The following ZBTB20 variants were observed in gnomAD, a reference collection of about 807,000 sequenced individuals.
ZBTB20 encodes the protein zinc finger and BTB domain-containing protein 20.
ZBTB20 carries 9 observed loss-of-function variants against 56.9 expected under a neutral mutation model. That is an observed-to-expected ratio of 0.16 (90% confidence interval 0.10 to 0.28). The LOEUF (loss-of-function observed/expected upper bound fraction) is 0.28, where lower values mean the gene tolerates loss of function less well. Ranked by LOEUF, ZBTB20 falls within the 10% of genes least tolerant of loss-of-function variation. The pLI, the probability that ZBTB20 is intolerant of heterozygous loss-of-function variation, is 1.00. For missense variants in ZBTB20, 655 were observed against 1,003.0 expected, an observed-to-expected ratio of 0.65 and a Z score of 4.69; for synonymous variants, 417 against 420.7, an observed-to-expected ratio of 0.99 and a Z score of 0.11.
At chr3:114,391,308 G>T (rs574752962) in intron 7 of ZBTB20, among the ~76,000 whole-genome samples, 4 of 152,230 alleles carry the variant, frequency 2.6e-5, no homozygotes, top group Non-Finnish European at 5.9e-5. Flanking sequence ...CTGCTACAAT[G>T]TAGCCCAATC....
At chr3:114,926,122 C>T (rs967557613) in intron 3 of ZBTB20, among the ~76,000 whole-genome samples, 1 of 152,164 alleles carries the variant, frequency 6.6e-6, no homozygotes, top group Non-Finnish European at 1.5e-5. Context: ...TTTCCTCATT[C>T]TCTGACATCC....
chr3:114,759,084 A>G (rs1054444011), intron 5 of ZBTB20: 2 of 152,188 alleles, frequency 1.3e-5, no homozygotes, highest in East Asian at 1.9e-4. Context: ...TCTAACTTGC[A>G]TATTCAATAA....
At position 115,053,714 on chromosome 3, in the gene ZBTB20, T is replaced by C. The variant is rs569077762; in HGVS notation, c.-507+17505A>G. 8.5e-5 allele frequency among the ~76,000 whole-genome samples: 13 copies of C among 152,280 alleles called. No individual in the cohort carries two copies. In the South Asian group the frequency reaches 2.7e-3, roughly 32 times the overall value. The stretch of plus-strand genomic sequence containing the variant: ...ATTTAAGAATTTCCATATTGAAACC[T>C]GCAAATAATTTGTTCTCTGCTTATA... On this transcript the variant is annotated intron_variant, in intron 2 of 11. Transcript: ENST00000675478.
chr3:114,454,967 C>CAGAGAG (rs35258910), intron 7 of ZBTB20: 26 of 131,682 alleles, frequency 2.0e-4, no homozygotes, highest in South Asian at 1.2e-3. Context: ...GAGCAAGAGA[C>CAGAGAG]AGAGAGAGAG....
At chr3:114,393,966 T>C (rs1460138311) in intron 7 of ZBTB20, among the ~76,000 whole-genome samples, 2 of 152,196 alleles carry the variant, frequency 1.3e-5, no homozygotes, top group Non-Finnish European at 2.9e-5. Context: ...CACATATCAA[T>C]GTAAGGAACT....
At chr3:114,636,141 G>T (rs2059255542) in intron 6 of ZBTB20, among the ~76,000 whole-genome samples, 1 of 152,080 alleles carries the variant, frequency 6.6e-6, no homozygotes, top group Admixed American at 6.6e-5. Flanking sequence ...AAGTACTGAA[G>T]ATCAAAAAAC....
chr3:114,864,352 T>A (rs1328222842), intron 4 of ZBTB20, among the ~76,000 whole-genome samples: 1 of 152,106 alleles, frequency 6.6e-6, no homozygotes, highest in African/African-American at 2.4e-5. Flanking sequence ...CATTTCTTAT[T>A]GTATTGTACC....
intron 7 of ZBTB20, among the ~76,000 whole-genome samples, chr3:114,440,910 C>A (rs1432466849): frequency 1.3e-5 from 2 of 152,216 alleles, no homozygotes; most frequent in African/African-American, 4.8e-5. Context: ...TACATTAGGG[C>A]TGTCCTCTCT....
At chr3:115,044,678 A>G (rs193016473) in intron 2 of ZBTB20, among the ~76,000 whole-genome samples, 66 of 152,370 alleles carry the variant, frequency 4.3e-4, no homozygotes, top group African/African-American at 1.6e-3. Context: ...CAATTAAATC[A>G]TATTTGGCAG....
chr3:114,433,931 A>G (rs1426649234), intron 7 of ZBTB20, among the ~76,000 whole-genome samples: 3 of 152,186 alleles, frequency 2.0e-5, no homozygotes, highest in Non-Finnish European at 4.4e-5. Flanking sequence ...AGGGTTAGCT[A>G]GGCTGTGAGG....
chr3:114,964,145 A>AG (rs1288101908), intron 3 of ZBTB20, among the ~76,000 whole-genome samples: 1 of 152,102 alleles, frequency 6.6e-6, no homozygotes, highest in Non-Finnish European at 1.5e-5. Context: ...CTGGGTGCAG[A>AG]GGCTTACACC....
intron 3 of ZBTB20, among the ~76,000 whole-genome samples, chr3:114,944,017 T>C (rs542994166): frequency 2.1e-5 from 3 of 145,166 alleles, no homozygotes; most frequent in South Asian, 4.3e-4. Context: ...TTTGTAAGGA[T>C]TAGTAAGTCT....
At chr3:114,563,149 A>G (rs1452805264) in intron 6 of ZBTB20, among the ~76,000 whole-genome samples, 1 of 152,180 alleles carries the variant, frequency 6.6e-6, no homozygotes. Context: ...GTATGCTTCT[A>G]TATCCTATTT....
intron 7 of ZBTB20, among the ~76,000 whole-genome samples, chr3:114,401,911 G>A (rs1169371755): frequency 5.3e-5 from 8 of 152,178 alleles, no homozygotes; most frequent in Non-Finnish European, 7.4e-5. Context: ...ACATATATAC[G>A]TCCATTTCCT....
chr3:114,466,707 C>T (rs146740118), intron 7 of ZBTB20, among the ~76,000 whole-genome samples: 12 of 152,302 alleles, frequency 7.9e-5, no homozygotes, highest in African/African-American at 2.6e-4. Context: ...ACCATCAATA[C>T]ATAAATCCAA....
At chr3:114,790,160 G>A (rs2070838300) in intron 5 of ZBTB20, among the ~76,000 whole-genome samples, 1 of 152,080 alleles carries the variant, frequency 6.6e-6, no homozygotes, top group South Asian at 2.1e-4. Context: ...TAAAACTTCT[G>A]TGTGCTGATT....
At chr3:114,687,835 T>C (rs535701950) in intron 6 of ZBTB20, 14 of 152,312 alleles carry the variant, frequency 9.2e-5, no homozygotes, top group African/African-American at 2.4e-4. Flanking sequence ...TACAGGCTCT[T>C]AAGAGTCCAC....
At chr3:114,650,045 G>A (rs1242819878) in intron 6 of ZBTB20, among the ~76,000 whole-genome samples, 3 of 151,828 alleles carry the variant, frequency 2.0e-5, no homozygotes, top group African/African-American at 4.8e-5. Context: ...AAGAGAGCTA[G>A]AAAATAAAAT....
At chr3:114,521,560 A>C (rs890725498) in intron 6 of ZBTB20, among the ~76,000 whole-genome samples, 3 of 152,034 alleles carry the variant, frequency 2.0e-5, no homozygotes, top group Non-Finnish European at 4.4e-5. Context: ...TCCCCATTGC[A>C]CCACATTAGC....
Sources: allele counts gnomAD v4.1 joint callset (sites outside exome capture counted in the v4.1 genomes callset), GRCh38; gene constraint gnomAD v4.1.1; transcripts MANE v1.5; gene names NCBI Gene and HGNC (gene_info 2026-07-23, HGNC 2026-07-21).